The following ADAMTSL3 variants were observed in gnomAD, a reference collection of about 807,000 sequenced individuals.
ADAMTSL3 encodes the protein ADAMTS-like protein 3.
A neutral mutation model predicts 201.7 loss-of-function variants in ADAMTSL3; 128 were observed. That is an observed-to-expected ratio of 0.63 (90% CI 0.55 to 0.73). ADAMTSL3 has a LOEUF of 0.73. Ranked by LOEUF, ADAMTSL3 falls within the 30% of genes least tolerant of loss-of-function variation. ADAMTSL3 has a pLI of 0.00. For synonymous variants in ADAMTSL3, 738 were observed against 748.4 expected (o/e 0.99, Z 0.23); for missense variants, 1,990 against 2,119.6 (o/e 0.94, Z 1.20).
At chr15:83,658,701 G>C (rs2061124761) in intron 2 of ADAMTSL3, among the ~76,000 whole-genome samples, 1 of 152,160 alleles carries the variant, frequency 6.6e-6, no homozygotes, top group South Asian at 2.1e-4. Flanking sequence ...CTCTCTTCCA[G>C]CCTGGAGTAT....
At chr15:83,910,635 C>CTT (rs3044681) in intron 15 of ADAMTSL3, among the ~76,000 whole-genome samples, 2 of 131,146 alleles carry the variant, frequency 1.5e-5, no homozygotes, top group Admixed American at 7.6e-5. Flanking sequence ...TTAGGTGAAC[C>CTT]TTTTTTTTTT....
At chr15:83,711,658 C>T (rs536197671) in intron 3 of ADAMTSL3, among the ~76,000 whole-genome samples, 30 of 152,358 alleles carry the variant, frequency 2.0e-4, no homozygotes, top group African/African-American at 7.0e-4. Flanking sequence ...GTACTGTGTT[C>T]ACAGTTCATG....
At chr15:83,733,763 G>A (rs558603706) in intron 3 of ADAMTSL3, among the ~76,000 whole-genome samples, 28 of 152,214 alleles carry the variant, frequency 1.8e-4, no homozygotes, top group African/African-American at 6.7e-4. Context: ...CAGCACTCAT[G>A]TTTCATAAAA....
rs923166630 is a variant in ADAMTSL3 at position 84,025,376 on chromosome 15, G to T, written c.4596G>T (p.Arg1532=). 4.3e-6 allele frequency: 7 copies of T among 1,614,018 alleles called. No homozygotes were observed. The highest frequency in any genetic ancestry group is 5.9e-6 in the Non-Finnish European group (7 of 1,180,034). The change falls in exon 27 of 30, where the codon CGG becomes CGT. Residue 1532 remains arginine (R), a synonymous_variant. Coordinates refer to ENST00000286744, the MANE Select transcript of ADAMTSL3 (RefSeq NM_207517.3). The stretch of plus-strand genomic sequence containing the variant: ...CAAGAGCATGTGCCCCTAAAGACCG[G>T]CCTCTGGGAAGAAAACCATGTTTTG... ...VSPRACAPKD[R]PLGRKPCFGH...
intron 6 of ADAMTSL3, among the ~76,000 whole-genome samples, chr15:83,829,660 A>G (rs2064110227): frequency 6.6e-6 from 1 of 152,166 alleles, no homozygotes; most frequent in Non-Finnish European, 1.5e-5. Context: ...TCTTGTGGGC[A>G]TTTAGTGCTA....
intron 15 of ADAMTSL3, among the ~76,000 whole-genome samples, chr15:83,900,828 G>C (rs1046474001): frequency 1.3e-5 from 2 of 152,298 alleles, no homozygotes; most frequent in Non-Finnish European, 2.9e-5. Flanking sequence ...CATGTGACAA[G>C]TTTTCACAAA....
chr15:83,982,227 G>A (rs1021813442), intron 20 of ADAMTSL3, 46 bp from the exon 21 acceptor site: 10 of 1,449,066 alleles, frequency 6.9e-6, no homozygotes, highest in Non-Finnish European at 9.3e-6. Flanking sequence ...GTATTTTTGA[G>A]ATGTTTATTC....
In ADAMTSL3 at chr15:84,036,761, T is replaced by G. The variant is rs559966747; in HGVS notation, c.4755-12T>G. 9.4e-6 allele frequency: 15 copies of G among 1,589,366 alleles called. No individual in the cohort carries two copies. The highest frequency in any genetic ancestry group is 1.7e-4 in the Middle Eastern group (1 of 5,916). On this transcript the variant is annotated splice_polypyrimidine_tract_variant and intron_variant, in intron 28 of 29. Transcript: ENST00000286744. ...TTTTTGTTTTTCCGTTTTGTTTTAT[T>G]TTTCACTTCAGACCCACCTTAAGAA...
intron 9 of ADAMTSL3, 143 bp downstream of exon 9, chr15:83,871,102 T>C (rs2065072882): frequency 2.0e-6 from 2 of 981,280 alleles, no homozygotes; most frequent in African/African-American, 1.7e-5. Context: ...ATCTTGGCAG[T>C]CCATTCTTAA....
intron 29 of ADAMTSL3, 32 bp from the exon 30 acceptor site, chr15:84,037,668 A>G: frequency 6.4e-7 from 1 of 1,569,502 alleles, no homozygotes; most frequent in Non-Finnish European, 8.6e-7. Context: ...CTAATAAGCT[A>G]TATGTTACAG....
chr15:83,910,747 G>GC (rs1426273071), intron 15 of ADAMTSL3, among the ~76,000 whole-genome samples: 4 of 150,084 alleles, frequency 2.7e-5, no homozygotes, highest in African/African-American at 7.4e-5. Flanking sequence ...CGATTCTCCT[G>GC]CCTCAGCCTC....
chr15:83,667,941 A>C (rs2061271310), intron 2 of ADAMTSL3, among the ~76,000 whole-genome samples: 1 of 152,188 alleles, frequency 6.6e-6, no homozygotes, highest in African/African-American at 2.4e-5. Context: ...TTGAATGCTG[A>C]AAATGAAGAG....
At chr15:83,721,641 T>C (rs1363295007) in intron 3 of ADAMTSL3, among the ~76,000 whole-genome samples, 3 of 152,140 alleles carry the variant, frequency 2.0e-5, no homozygotes, top group Non-Finnish European at 4.4e-5. Context: ...GACCTCCAAT[T>C]CTCTAAACAC....
intron 13 of ADAMTSL3, among the ~76,000 whole-genome samples, chr15:83,893,615 T>G (rs974579885): frequency 6.6e-6 from 1 of 152,146 alleles, no homozygotes; most frequent in Non-Finnish European, 1.5e-5. Context: ...AGCCTAACAT[T>G]GGGAAAGACC....
At chr15:84,000,213 A>G (rs143405799) in intron 23 of ADAMTSL3, among the ~76,000 whole-genome samples, 64 of 152,346 alleles carry the variant, frequency 4.2e-4, no homozygotes, top group African/African-American at 1.5e-3. Context: ...ATTCTAAATT[A>G]CAGTGAATTT....
At chr15:83,954,406 T>A (rs2066815422) in intron 19 of ADAMTSL3, among the ~76,000 whole-genome samples, 1 of 152,198 alleles carries the variant, frequency 6.6e-6, no homozygotes, top group Non-Finnish European at 1.5e-5. Flanking sequence ...TTTGTTAAAT[T>A]TATCTGATAG....
intron 6 of ADAMTSL3, among the ~76,000 whole-genome samples, chr15:83,823,982 C>G (rs1358473357): frequency 6.8e-6 from 1 of 147,514 alleles, no homozygotes; most frequent in African/African-American, 2.5e-5. Context: ...TCTCCTCCTC[C>G]TCCTCCTCCT....
intron 2 of ADAMTSL3, among the ~76,000 whole-genome samples, chr15:83,687,889 G>GT (rs60633312): frequency 0.38 from 57,000 of 151,736 alleles, 11,180 homozygotes; most frequent in South Asian, 0.6. Context: ...CCCAACACCA[G>GT]TTTTTTAAAC....
At chr15:83,673,318 T>C (rs1247429852) in intron 2 of ADAMTSL3, among the ~76,000 whole-genome samples, 1 of 152,230 alleles carries the variant, frequency 6.6e-6, no homozygotes, top group Non-Finnish European at 1.5e-5. Context: ...ATAGTGTTAA[T>C]TGATAAACGA....
Sources: gnomAD v4.1 joint callset for allele counts (sites outside exome capture counted in the v4.1 genomes callset) on GRCh38, gnomAD v4.1.1 for gene constraint, MANE v1.5 for transcripts, NCBI Gene and HGNC (gene_info 2026-07-23, HGNC 2026-07-21) for gene names.